KAZN: variants seen among roughly 807,000 people sequenced by gnomAD.
KAZN encodes kazrin, periplakin interacting protein, also known as kazrin.
In KAZN, 40 loss-of-function variants were observed where a neutral mutation model predicts 87.4. That is an observed-to-expected ratio of 0.46 (90% confidence interval 0.36 to 0.60). The LOEUF is 0.60. Ranked by LOEUF, KAZN falls within the 20% of genes least tolerant of loss-of-function variation. KAZN has a pLI of 0.00. For missense variants in KAZN, 898 were observed against 1,073.9 expected (o/e 0.84, Z 2.29); for synonymous variants, 466 against 458.3 (o/e 1.02, Z -0.22).
At chr1:14,671,323 C>G (rs1284949961) in intron 1 of KAZN, among the ~76,000 whole-genome samples, 1 of 152,186 alleles carries the variant, frequency 6.6e-6, no homozygotes, top group Non-Finnish European at 1.5e-5. Context: ...TCTGCAGTAC[C>G]AAGAACAGTG....
chr1:13,983,249 G>T (rs1638832656), intron 1 of KAZN, among the ~76,000 whole-genome samples: 1 of 152,246 alleles, frequency 6.6e-6, no homozygotes, highest in South Asian at 2.1e-4. Flanking sequence ...GGGCACAGGA[G>T]CCCACGGAGG....
intron 2 of KAZN, among the ~76,000 whole-genome samples, chr1:14,384,768 T>C (rs914471499): frequency 1.3e-5 from 2 of 151,784 alleles, no homozygotes; most frequent in Non-Finnish European, 2.9e-5. Flanking sequence ...GATATTGGTC[T>C]AAAATTCTCT....
intron 2 of KAZN, among the ~76,000 whole-genome samples, chr1:14,525,967 A>G (rs1671840413): frequency 6.6e-6 from 1 of 152,216 alleles, no homozygotes; most frequent in Non-Finnish European, 1.5e-5. Context: ...AAAGAACCCC[A>G]CTTGCTCATA....
At chr1:13,952,881 A>T (rs1641405828) in intron 1 of KAZN, among the ~76,000 whole-genome samples, 1 of 152,164 alleles carries the variant, frequency 6.6e-6, no homozygotes, top group African/African-American at 2.4e-5. Context: ...CTTTAAAATG[A>T]GGAAACTGAA....
chr1:14,942,048 C>T (rs867679466), intron 1 of KAZN, among the ~76,000 whole-genome samples: 1 of 152,268 alleles, frequency 6.6e-6, no homozygotes, highest in South Asian at 2.1e-4. Flanking sequence ...TGTCCCAAGT[C>T]GTGTTACAAT....
intron 2 of KAZN, among the ~76,000 whole-genome samples, chr1:14,300,075 C>T (rs1035601060): frequency 2.0e-5 from 3 of 151,904 alleles, no homozygotes; most frequent in Middle Eastern, 3.2e-3. Flanking sequence ...GTCTCACAAA[C>T]GCAAAGGTGC....
chr1:14,775,550 G>T (rs1557477347), intron 1 of KAZN, among the ~76,000 whole-genome samples: 1 of 152,252 alleles, frequency 6.6e-6, no homozygotes, highest in Non-Finnish European at 1.5e-5. Flanking sequence ...GAGAACCTGG[G>T]CTCCTGACAC....
intron 2 of KAZN, among the ~76,000 whole-genome samples, chr1:14,398,152 A>G (rs1404466688): frequency 6.6e-6 from 1 of 152,230 alleles, no homozygotes; most frequent in Non-Finnish European, 1.5e-5. Flanking sequence ...CATGAGTTAA[A>G]TGATTCTGGT....
intron 1 of KAZN, among the ~76,000 whole-genome samples, chr1:14,920,522 G>A (rs1165907205): frequency 6.6e-6 from 1 of 152,074 alleles, no homozygotes; most frequent in Non-Finnish European, 1.5e-5. Context: ...CCCCACGGAG[G>A]CTGGACACAG....
rs1373961677 is a variant in KAZN, at chr1:15,096,454, C to A, written c.1547+1521C>A. Among the ~76,000 whole-genome samples the A allele has an allele frequency of 2.0e-5, 3 of 152,216 alleles. No homozygotes were observed. The highest frequency in any genetic ancestry group is 4.4e-5 in the Non-Finnish European group (3 of 68,032). ...GTCCTCTGCCTCCCAGGGGTGCGGC[C>A]TGCCCAGCCCCTGCCCCCGACAGCC... On this transcript the variant is annotated intron_variant, in intron 10 of 14. Transcript: ENST00000376030. The surrounding 1 kb of genome is among the most constrained non-coding windows in gnomAD (Gnocchi z 4.5).
chr1:14,418,038 A>AAAAAAAAAAAAC (rs1557705911), intron 2 of KAZN, among the ~76,000 whole-genome samples: 1 of 133,266 alleles, frequency 7.5e-6, no homozygotes. Context: ...AAAAAAAAAA[A>AAAAAAAAAAAAC]AAAAAACCTA....
At position 14,856,680 on chromosome 1, in the gene KAZN, G is replaced by A. The variant is rs575931741; in HGVS notation, c.227-104004G>A. Among the ~76,000 whole-genome samples, 10 of 152,324 alleles carry A rather than the reference G, an allele frequency of 6.6e-5. No homozygotes were observed. Among genetic ancestry groups the A allele is most frequent in the East Asian group, 3.9e-4 (2 of 5,186 alleles). The stretch of plus-strand genomic sequence containing the variant: ...GAATAAATAGGCAATGACCTTCTGC[G>A]AAGGAGGAACTTCTACTTTTCATGT... On this transcript the variant is annotated intron_variant, in intron 1 of 14. Coordinates refer to ENST00000376030, the MANE Select transcript of KAZN (RefSeq NM_201628.3). The surrounding 1 kb of genome is among the most constrained non-coding windows in gnomAD (Gnocchi z 5.2).
chr1:14,365,000 C>T (rs1051408006), intron 2 of KAZN, among the ~76,000 whole-genome samples: 4 of 151,384 alleles, frequency 2.6e-5, no homozygotes, highest in African/African-American at 9.7e-5. Flanking sequence ...ACCTTGACGT[C>T]CCAAAGTGCT....
At chr1:14,411,686 C>T (rs1664314973) in intron 2 of KAZN, among the ~76,000 whole-genome samples, 1 of 151,964 alleles carries the variant, frequency 6.6e-6, no homozygotes, top group Admixed American at 6.6e-5. Context: ...GGACTAAAAC[C>T]CAGAAAGACA....
intron 2 of KAZN, among the ~76,000 whole-genome samples, chr1:15,000,869 C>T (rs1435432762): frequency 6.6e-6 from 1 of 151,040 alleles, no homozygotes; most frequent in Non-Finnish European, 1.5e-5. Flanking sequence ...TTTGGGAGGC[C>T]AAGGCGGGAG....
At chr1:14,097,863 G>A (rs1644163051) in intron 1 of KAZN, among the ~76,000 whole-genome samples, 1 of 152,114 alleles carries the variant, frequency 6.6e-6, no homozygotes. Flanking sequence ...TTCCCCAGAT[G>A]AGCCCAGAGC....
Position 14,941,901 on chromosome 1 carries a change from C to A in KAZN, c.227-18783C>A, listed in dbSNP as rs149535628. Reference sequence around the variant, plus strand: ...AGAATAACTAGAACCCGGCATTGGTCTTTTGTTGGATTTCTGGGATATCTG... The same window carrying A: ...AGAATAACTAGAACCCGGCATTGGTATTTTGTTGGATTTCTGGGATATCTG... On this transcript the variant is annotated intron_variant, in intron 1 of 14. Coordinates refer to ENST00000376030, the MANE Select transcript of KAZN (RefSeq NM_201628.3). 9.9e-5 allele frequency among the ~76,000 whole-genome samples: 15 copies of A among 152,160 alleles called. No homozygotes were observed. In the East Asian group the frequency reaches 2.7e-3, roughly 27 times the overall value.
In KAZN at chr1:14,045,464, C is replaced by A. The variant is rs541541098; in HGVS notation, c.92-134971C>A. 2.0e-5 allele frequency among the ~76,000 whole-genome samples: 3 copies of A among 152,292 alleles called. No homozygotes were observed. In the East Asian group the frequency reaches 5.8e-4, roughly 29 times the overall value. ...AGATTTCTAACCTTAAATTCCATAACCCAATTGTAAGGATCAAATGAATAT... is the reference window on the plus strand; with the variant it reads ...AGATTTCTAACCTTAAATTCCATAAACCAATTGTAAGGATCAAATGAATAT... On this transcript the variant is annotated intron_variant, in intron 1 of 16. Transcript: ENST00000636203.
At chr1:14,864,529 T>C (rs1485524409) in intron 1 of KAZN, among the ~76,000 whole-genome samples, 1 of 152,122 alleles carries the variant, frequency 6.6e-6, no homozygotes, top group Non-Finnish European at 1.5e-5. Context: ...GCCACTGCAC[T>C]CCAGTGGGGG....
Sources: gnomAD v4.1 joint callset for allele counts (sites outside exome capture counted in the v4.1 genomes callset) on GRCh38, gnomAD v4.1.1 for gene constraint, Gnocchi (gnomAD v3.1) non-coding constraint, MANE v1.5 for transcripts, NCBI Gene and HGNC (gene_info 2026-07-23, HGNC 2026-07-21) for gene names.